The following LUZP2 variants were observed in gnomAD, a reference collection of about 807,000 sequenced individuals.
The protein encoded by LUZP2 is leucine zipper protein 2.
LUZP2 carries 52 observed loss-of-function variants against 51.6 expected under a neutral mutation model. The observed-to-expected ratio is 1.01, with a 90% confidence interval of 0.81 to 1.27. The LOEUF is 1.27. LUZP2 is among the 50% of genes most tolerant of loss of function. The pLI is 0.00. For synonymous variants in LUZP2, 154 were observed against 137.3 expected, an observed-to-expected ratio of 1.12 and a Z score of -0.85; for missense variants, 436 against 395.4, an observed-to-expected ratio of 1.10 and a Z score of -0.87.
Position 24,566,485 on chromosome 11 carries a change from T to C in LUZP2, c.62+69180T>C, listed in dbSNP as rs541964020. ...CTGGGACTACAGGCACGTGCCACCA[T>C]GCCCAGATAATTTAATTTGTGTGTG... On this transcript the variant is annotated intron_variant, in intron 1 of 11. Transcript: ENST00000336930. Among the ~76,000 whole-genome samples the C allele has an allele frequency of 1.9e-3, 278 of 149,356 alleles. 4 individuals carry two copies. The highest frequency in any genetic ancestry group is 9.8e-4 in the Non-Finnish European group (66 of 67,462).
intron 1 of LUZP2, among the ~76,000 whole-genome samples, chr11:24,538,995 C>A (rs1851273341): frequency 6.6e-6 from 1 of 151,804 alleles, no homozygotes; most frequent in African/African-American, 2.4e-5. Context: ...GACATATAGA[C>A]AGGCACTTAC....
chr11:24,711,752 C>T (rs781288955), intron 1 of LUZP2, among the ~76,000 whole-genome samples: 1 of 152,086 alleles, frequency 6.6e-6, no homozygotes, highest in Non-Finnish European at 1.5e-5. Context: ...GCCTTTCCCT[C>T]TCATAAATTC....
At chr11:24,714,132 G>C (rs1333769644) in intron 1 of LUZP2, among the ~76,000 whole-genome samples, 1 of 151,828 alleles carries the variant, frequency 6.6e-6, no homozygotes, top group Non-Finnish European at 1.5e-5. Context: ...AAGTATATAA[G>C]ACATATGTTG....
Position 25,001,292 on chromosome 11 carries a change from C to A in LUZP2, c.765+17999C>A, listed in dbSNP as rs1856674914. 2.6e-5 allele frequency among the ~76,000 whole-genome samples: 4 copies of A among 152,086 alleles called. No individual in the cohort carries two copies. In the South Asian group the frequency reaches 8.3e-4, roughly 31 times the overall value. ...AAACAGCTCACACATTTGAGCAGAC[C>A]AATTATTAGGCAATTTTCCTAACTC... On this transcript the variant is annotated intron_variant, in intron 9 of 11. Coordinates refer to ENST00000336930, the MANE Select transcript of LUZP2 (RefSeq NM_001009909.4).
At position 24,628,399 on chromosome 11, in the gene LUZP2, A is replaced by G. The variant is rs543495330; in HGVS notation, c.63-100770A>G. 4.6e-5 allele frequency among the ~76,000 whole-genome samples: 7 copies of G among 152,284 alleles called. No homozygotes were observed. In the East Asian group the frequency reaches 1.3e-3, roughly 29 times the overall value. Reference sequence around the variant, plus strand: ...AATTGGTTCCTTCTCTGTTATTTATAGAGGCCCACTCACAGATCTAAGACT... The same window carrying G: ...AATTGGTTCCTTCTCTGTTATTTATGGAGGCCCACTCACAGATCTAAGACT... On this transcript the variant is annotated intron_variant, in intron 1 of 11. Coordinates refer to ENST00000336930, the MANE Select transcript of LUZP2 (RefSeq NM_001009909.4).
At chr11:24,923,308 C>T (rs2133819568) in intron 7 of LUZP2, among the ~76,000 whole-genome samples, 1 of 152,166 alleles carries the variant, frequency 6.6e-6, no homozygotes, top group East Asian at 1.9e-4. Flanking sequence ...TCAAAATCTT[C>T]GGTCCCCAAA....
intron 8 of LUZP2, among the ~76,000 whole-genome samples, chr11:24,978,545 T>G (rs1425090736): frequency 6.6e-6 from 1 of 151,796 alleles, no homozygotes; most frequent in Non-Finnish European, 1.5e-5. Flanking sequence ...TGACTTCACA[T>G]AATCCTTTTA....
At chr11:24,949,494 A>G (rs2133861127) in intron 7 of LUZP2, among the ~76,000 whole-genome samples, 1 of 151,674 alleles carries the variant, frequency 6.6e-6, no homozygotes, top group East Asian at 1.9e-4. Flanking sequence ...TTTTGAGTAC[A>G]CTGATGTTGA....
Position 24,700,942 on chromosome 11 carries a change from A to T in LUZP2, c.63-28227A>T, listed in dbSNP as rs189650882. Among the ~76,000 whole-genome samples the T allele has an allele frequency of 6.7e-4, 102 of 152,312 alleles. 2 individuals are homozygous for T. The South Asian group carries it at 0.014, about 21-fold the overall frequency. The stretch of plus-strand genomic sequence containing the variant: ...TTTAATTTCCTCAATGAGCTCTTCA[A>T]CTTGGTGTGAGTAAAGCAAGAGTTA... On this transcript the variant is annotated intron_variant, in intron 1 of 11. Coordinates refer to ENST00000336930, the MANE Select transcript of LUZP2 (RefSeq NM_001009909.4).
At chr11:24,859,708 G>A (rs144052458) in intron 5 of LUZP2, among the ~76,000 whole-genome samples, 452 of 152,370 alleles carry the variant, frequency 3.0e-3, no homozygotes, top group Non-Finnish European at 5.0e-3. Flanking sequence ...AGGAAGAGCA[G>A]TGTGGTGCGG....
At chr11:24,504,237 CTG>C (rs1483631563) in intron 1 of LUZP2, among the ~76,000 whole-genome samples, 1 of 152,170 alleles carries the variant, frequency 6.6e-6, no homozygotes, top group Non-Finnish European at 1.5e-5. Flanking sequence ...TGTGCTGAAA[CTG>C]TGGTATTTCT....
intron 5 of LUZP2, among the ~76,000 whole-genome samples, chr11:24,775,468 T>C (rs1848889222): frequency 6.6e-6 from 1 of 152,174 alleles, no homozygotes; most frequent in African/African-American, 2.4e-5. Flanking sequence ...TAAAGAAACA[T>C]AAATCTGAAA....
intron 7 of LUZP2, among the ~76,000 whole-genome samples, chr11:24,919,865 A>T (rs1205577329): frequency 6.6e-6 from 1 of 151,516 alleles, no homozygotes; most frequent in South Asian, 2.1e-4. Flanking sequence ...TACAATAATA[A>T]CAAGAGAAAT....
Position 24,763,269 on chromosome 11 carries a change from TGAAA to T in LUZP2, c.364_367del (p.Lys122AlafsTer3). 2.2e-6 allele frequency: 3 copies of T among 1,393,740 alleles called. No homozygotes were observed. The highest frequency in any genetic ancestry group is 2.8e-6 in the Non-Finnish European group (3 of 1,053,272). 86.3% of individuals were successfully genotyped at this position (1,393,740 alleles called of 1,614,324 possible). A position where few individuals can be genotyped will look rare whatever the true frequency, so the allele number is the denominator to read the frequency against. ...AGATTAATTTTTTAAAGACTGAAGTTGAAAGAAAGAGCAAAATGATCCGAGACCT... is the reference window on the plus strand; with the variant it reads ...AGATTAATTTTTTAAAGACTGAAGTTGAAAGAGCAAAATGATCCGAGACCT... On this transcript the variant is annotated frameshift_variant, in exon 5 of 12. Coordinates refer to ENST00000336930, the MANE Select transcript of LUZP2 (RefSeq NM_001009909.4). LOFTEE classifies it high-confidence loss of function.
At chr11:24,800,040 T>G (rs1359591408) in intron 5 of LUZP2, among the ~76,000 whole-genome samples, 1 of 151,448 alleles carries the variant, frequency 6.6e-6, no homozygotes, top group Admixed American at 6.6e-5. Context: ...TTTGATCTCT[T>G]TAATTACATT....
rs573301963 is a variant in LUZP2, at chr11:24,929,357, G to A, written c.522+14819G>A. On this transcript the variant is annotated intron_variant, in intron 7 of 11. Coordinates refer to ENST00000336930, the MANE Select transcript of LUZP2 (RefSeq NM_001009909.4). Reference sequence around the variant, plus strand: ...AAACTTTTTTATGTAGGCATTTAATGCTATGAACTTTCCTCTTATTACTGC... The same window carrying A: ...AAACTTTTTTATGTAGGCATTTAATACTATGAACTTTCCTCTTATTACTGC... 1.5e-3 allele frequency among the ~76,000 whole-genome samples: 224 copies of A among 152,170 alleles called. 1 individual carries two copies. Among genetic ancestry groups the A allele is most frequent in the Middle Eastern group, 6.8e-3 (2 of 292 alleles).
At chr11:24,943,737 G>A (rs1475422206) in intron 7 of LUZP2, among the ~76,000 whole-genome samples, 1 of 151,844 alleles carries the variant, frequency 6.6e-6, no homozygotes, top group African/African-American at 2.4e-5. Flanking sequence ...AATTAGTTGG[G>A]TGTCGTGGTG....
chr11:24,500,893 T>A (rs1471236783), intron 1 of LUZP2, among the ~76,000 whole-genome samples: 1 of 152,220 alleles, frequency 6.6e-6, no homozygotes, highest in African/African-American at 2.4e-5. Context: ...ATATTGAAGA[T>A]GCCCCGGGCT....
intron 5 of LUZP2, among the ~76,000 whole-genome samples, chr11:24,766,542 T>C (rs1860195998): frequency 1.3e-5 from 2 of 152,202 alleles, no homozygotes; most frequent in East Asian, 1.9e-4. Context: ...AAGATGTGAA[T>C]ACAGAAGTTT....
Sources: gnomAD v4.1 joint callset for allele counts (sites outside exome capture counted in the v4.1 genomes callset) on GRCh38, gnomAD v4.1.1 for gene constraint, MANE v1.5 for transcripts, NCBI Gene and HGNC (gene_info 2026-07-23, HGNC 2026-07-21) for gene names.